The following USH2A variants were observed in gnomAD, a reference collection of about 807,000 sequenced individuals.
USH2A encodes usherin, also known as Usher syndrome 2A (autosomal recessive, mild).
Under a neutral mutation model 538.9 loss-of-function variants are expected in USH2A, and 443 were observed. The observed-to-expected ratio is 0.82, with a 90% CI of 0.76 to 0.89. USH2A has a LOEUF of 0.89. Among genes scored for constraint, USH2A ranks in the 40% least tolerant of loss-of-function variants. The pLI is 0.00. For synonymous variants in USH2A, 2,413 were observed against 2,273.5 expected (o/e 1.06, Z -1.75); for missense variants, 6,633 against 6,324.8 (o/e 1.05, Z -1.65).
In USH2A at chr1:216,068,434, C is replaced by T. The variant is rs560776763; in HGVS notation, c.6049+1667G>A. ...GGCATACATCAGATGTATCTGGGGG[C>T]TTGTTAAAACAAGGACTGCTGAGCC... On this transcript the variant is annotated intron_variant, in intron 30 of 71. Coordinates refer to ENST00000307340, the MANE Select transcript of USH2A (RefSeq NM_206933.4). Among the ~76,000 whole-genome samples the T allele has an allele frequency of 5.2e-4, 79 of 152,218 alleles. No individual in the cohort carries two copies. In the South Asian group the frequency reaches 0.015, roughly 30 times the overall value.
At chr1:216,399,374 A>G (rs1571780851) in intron 3 of USH2A, among the ~76,000 whole-genome samples, 1 of 152,240 alleles carries the variant, frequency 6.6e-6, no homozygotes, top group East Asian at 1.9e-4. Context: ...CTAAGTGAGC[A>G]GGGCCTAGAG....
At chr1:216,211,789 A>G (rs1257134213) in intron 15 of USH2A, among the ~76,000 whole-genome samples, 3 of 152,192 alleles carry the variant, frequency 2.0e-5, no homozygotes, top group East Asian at 1.9e-4. Context: ...TGAATTTTCC[A>G]TATTTGATAT....
chr1:216,374,714 G>A (rs919666927), intron 3 of USH2A, among the ~76,000 whole-genome samples: 17 of 152,144 alleles, frequency 1.1e-4, no homozygotes, highest in African/African-American at 3.9e-4. Flanking sequence ...CTCTCAATAT[G>A]TATTTCAGTG....
intron 53 of USH2A, among the ~76,000 whole-genome samples, 190 bp from the exon 54 acceptor site, chr1:215,782,386 A>G (rs1419970225): frequency 3.1e-5 from 4 of 129,794 alleles, no homozygotes; most frequent in Non-Finnish European, 6.6e-5. Context: ...CTTGACATAA[A>G]TGATAAGAGT....
At chr1:216,390,744 AT>A (rs1363176491) in intron 3 of USH2A, among the ~76,000 whole-genome samples, 3 of 152,172 alleles carry the variant, frequency 2.0e-5, no homozygotes, top group Non-Finnish European at 4.4e-5. Flanking sequence ...CACACACCAA[AT>A]TTTGAAGGTT....
At chr1:215,695,287 T>C (rs1658768050) in intron 61 of USH2A, among the ~76,000 whole-genome samples, 1 of 152,210 alleles carries the variant, frequency 6.6e-6, no homozygotes, top group Non-Finnish European at 1.5e-5. Context: ...TTTCCCACTT[T>C]TATTGCATTA....
At chr1:215,924,296 C>T (rs1666177738) in intron 38 of USH2A, among the ~76,000 whole-genome samples, 1 of 151,966 alleles carries the variant, frequency 6.6e-6, no homozygotes, top group African/African-American at 2.4e-5. Flanking sequence ...CTTTTAGACT[C>T]TGGGGGGTCT....
intron 62 of USH2A, among the ~76,000 whole-genome samples, chr1:215,677,115 T>A (rs1022718029): frequency 6.6e-6 from 1 of 152,216 alleles, no homozygotes; most frequent in Admixed American, 6.5e-5. Flanking sequence ...ATAGAAGCAG[T>A]TAGAGAAGAA....
At chr1:216,120,219 CAAAAAAAAAAAAAAAAAA>C (rs10525093) in intron 21 of USH2A, among the ~76,000 whole-genome samples, 10 of 100,068 alleles carry the variant, frequency 1.0e-4, no homozygotes, top group Non-Finnish European at 9.6e-5. Flanking sequence ...TACTAAATAG[CAAAAAAAAAAAAAAAAAA>C]AAAAAAAAAA....
chr1:216,280,114 T>C (rs1007588896), intron 11 of USH2A, among the ~76,000 whole-genome samples: 21 of 151,462 alleles, frequency 1.4e-4, no homozygotes, highest in Non-Finnish European at 7.4e-5. Flanking sequence ...CTCTATTTGA[T>C]TGATCTGAAC....
chr1:215,750,731 C>T (rs927420012), intron 58 of USH2A, among the ~76,000 whole-genome samples: 12 of 152,128 alleles, frequency 7.9e-5, no homozygotes, highest in African/African-American at 2.9e-4. Context: ...TGGACTCACA[C>T]CCATGAGGGT....
chr1:216,201,751 T>G (rs2035005957), intron 16 of USH2A: 2 of 227,000 alleles, frequency 8.8e-6, no homozygotes. Flanking sequence ...ATGACCCTGA[T>G]AGAGCCGAGG....
At position 215,647,701 on chromosome 1, in the gene USH2A, G is replaced by A. The variant is rs2102642254; in HGVS notation, c.14612C>T (p.Pro4871Leu). 6.2e-7 allele frequency: 1 copy of A among 1,614,180 alleles called. No individual in the cohort carries two copies. The highest frequency in any genetic ancestry group is 1.7e-4 in the Middle Eastern group (1 of 6,060). ...AGTACAGGGGAGGGCTGAGTCAGGA[G>A]GGCAAGCCACGTGGAATTGGAGTTC... The part of the protein sequence containing the change: ...SYELQFHVAC[P>L]PDSALPCTPS... Residue 4871 changes from proline to leucine, a missense_variant, in exon 67 of 72, where the codon CCT becomes CTT. By Grantham distance (98) the Pro-to-Leu change is moderately conservative. Transcript: ENST00000307340.
chr1:215,912,509 ATACG>A lies in USH2A; in HGVS notation c.7301-11608_7301-11605del, dbSNP rs1424559869. On this transcript the variant is annotated intron_variant, in intron 38 of 71. Coordinates refer to ENST00000307340, the MANE Select transcript of USH2A (RefSeq NM_206933.4). The stretch of plus-strand genomic sequence containing the variant: ...TATATATGTGTATATATATATATAT[ATACG>A]TGTATATATATATATATATATATGA... Among the ~76,000 whole-genome samples the A allele has an allele frequency of 2.9e-3, 50 of 17,340 alleles. 1 individual carries two copies. Among genetic ancestry groups the A allele is most frequent in the African/African-American group, 8.9e-3 (42 of 4,742 alleles). The allele number at this position is 17,340 out of a possible 152,430, so 11.4% of individuals were successfully genotyped here.
intron 46 of USH2A, among the ~76,000 whole-genome samples, chr1:215,844,003 G>A (rs1264669193): frequency 6.6e-6 from 1 of 152,132 alleles, no homozygotes; most frequent in Non-Finnish European, 1.5e-5. Context: ...AAGGTAAGCT[G>A]CTCAACAAGA....
chr1:215,993,178 A>T lies in USH2A; in HGVS notation c.6658-11T>A. On this transcript the variant is annotated splice_polypyrimidine_tract_variant and intron_variant, in intron 34 of 71. Coordinates refer to ENST00000307340, the MANE Select transcript of USH2A (RefSeq NM_206933.4). ...ACCACCTGTGCAAGCCTAAACAGAGATGCAAAAATGCTCATTTCACTCTTG... is the reference window on the plus strand; with the variant it reads ...ACCACCTGTGCAAGCCTAAACAGAGTTGCAAAAATGCTCATTTCACTCTTG... 6.2e-7 allele frequency: 1 copy of T among 1,614,050 alleles called. No individual in the cohort carries two copies. Among genetic ancestry groups the T allele is most frequent in the African/African-American group, 1.3e-5 (1 of 75,040 alleles).
At chr1:215,724,375 C>T (rs936381086) in intron 61 of USH2A, among the ~76,000 whole-genome samples, 10 of 150,958 alleles carry the variant, frequency 6.6e-5, no homozygotes, top group South Asian at 2.1e-4. Flanking sequence ...AGTCAAATAC[C>T]GCACGTTCTC....
chr1:216,178,688 A>T (rs886346410), intron 20 of USH2A, among the ~76,000 whole-genome samples: 1 of 152,124 alleles, frequency 6.6e-6, no homozygotes, highest in Admixed American at 6.6e-5. Context: ...GCCAAAAACT[A>T]CTTTACCAGT....
At chr1:216,216,093 G>T (rs138115632) in intron 15 of USH2A, among the ~76,000 whole-genome samples, 1 of 152,114 alleles carries the variant, frequency 6.6e-6, no homozygotes, top group East Asian at 1.9e-4. Context: ...TATCCAAAAG[G>T]AATATGCTAG....
Sources: gnomAD v4.1 joint callset for allele counts (sites outside exome capture counted in the v4.1 genomes callset) on GRCh38, gnomAD v4.1.1 for gene constraint, MANE v1.5 for transcripts, NCBI Gene and HGNC (gene_info 2026-07-23, HGNC 2026-07-21) for gene names.